TIPRL: variants seen among roughly 807,000 people sequenced by gnomAD.
The protein encoded by TIPRL is TOR signaling pathway regulator.
A neutral mutation model predicts 32.3 loss-of-function variants in TIPRL; 10 were observed. The observed-to-expected ratio is 0.31, with a 90% CI of 0.19 to 0.52. TIPRL has a LOEUF of 0.52. Among genes scored for constraint, TIPRL ranks in the 20% least tolerant of loss-of-function variants. TIPRL has a pLI of 0.96. For missense variants in TIPRL, 250 were observed against 328.1 expected (o/e 0.76, Z 1.84); for synonymous variants, 100 against 114.0 (o/e 0.88, Z 0.78).
At chr1:168,195,731 C>T (rs1401751393) in intron 4 of TIPRL, among the ~76,000 whole-genome samples, 3 of 152,010 alleles carry the variant, frequency 2.0e-5, no homozygotes, top group Non-Finnish European at 4.4e-5. Context: ...TGCCACCGTG[C>T]TTTGCTAATT....
In TIPRL at chr1:168,200,726, A is replaced by C. The variant is rs1211908928; in HGVS notation, c.*680A>C. 1 of 152,092 alleles carries C rather than the reference A, an allele frequency of 6.6e-6. No homozygotes were observed. Among genetic ancestry groups the C allele is most frequent in the East Asian group, 1.9e-4 (1 of 5,202 alleles). The allele number at this position is 152,092 out of a possible 1,614,324, so 9.4% of individuals were successfully genotyped here. On this transcript the variant is annotated 3_prime_UTR_variant, in exon 7 of 7. Transcript: ENST00000367833. ...CACTGTGTGTGTGTAGGATGTTAGA[A>C]TTATCTGTCCTCCATCTTTAGGTGC...
intron 4 of TIPRL, chr1:168,192,374 A>C: frequency 9.8e-7 from 1 of 1,018,874 alleles, no homozygotes; most frequent in East Asian, 5.8e-5. Flanking sequence ...AATAAAATAA[A>C]ATAAAAGAAG....
rs557776596 is a variant in TIPRL at position 168,201,490 on chromosome 1, T to C, written c.*1444T>C. ...TTAGCTAAATTTGATATTTGTCTTCTGCCTTCTGTATCACCTCCAAGCTAT... is the reference window on the plus strand; with the variant it reads ...TTAGCTAAATTTGATATTTGTCTTCCGCCTTCTGTATCACCTCCAAGCTAT... On this transcript the variant is annotated 3_prime_UTR_variant, in exon 7 of 7. Coordinates refer to ENST00000367833, the MANE Select transcript of TIPRL (RefSeq NM_152902.5). The C allele has an allele frequency of 1.3e-5, 2 of 152,250 alleles. No individual in the cohort carries two copies. The highest frequency in any genetic ancestry group is 2.1e-4 in the South Asian group (1 of 4,830). The allele number at this position is 152,250 out of a possible 1,614,324, so 9.4% of individuals were successfully genotyped here.
rs769748192 is a variant in TIPRL, at chr1:168,183,953, C to T, written c.156C>T (p.Asp52=). The T allele has an allele frequency of 1.7e-5, 27 of 1,613,834 alleles. No individual in the cohort carries two copies. Among genetic ancestry groups the T allele is most frequent in the East Asian group, 2.2e-5 (1 of 44,880 alleles). ...CTCTCCCTGAAATGATGTTTGGAGA[C>T]AACGTTTTAAGAATCCAGCATGGGT... is the stretch of plus-strand genomic sequence containing the variant. ...MPSLPEMMFG[D]NVLRIQHGSG... Residue 52 remains aspartate, a synonymous_variant, in exon 2 of 7, where the codon GAC becomes GAT. Transcript: ENST00000367833.
intron 5 of TIPRL, among the ~76,000 whole-genome samples, chr1:168,197,364 G>C (rs1184390417): frequency 1.3e-5 from 2 of 151,688 alleles, no homozygotes; most frequent in Non-Finnish European, 2.9e-5. Flanking sequence ...TAGTAGGATA[G>C]GATTGGATTG....
intron 3 of TIPRL, among the ~76,000 whole-genome samples, chr1:168,187,612 T>C (rs1455993636): frequency 3.9e-5 from 6 of 152,190 alleles, no homozygotes; most frequent in Non-Finnish European, 7.4e-5. Flanking sequence ...AAAAGTAATT[T>C]AGTCTTACTT....
chr1:168,183,467 T>A (rs1699992095), intron 1 of TIPRL, among the ~76,000 whole-genome samples: 1 of 151,468 alleles, frequency 6.6e-6, no homozygotes, highest in African/African-American at 2.4e-5. Context: ...AGTGCTGAGT[T>A]CCCTCATCAG....
Position 168,178,995 on chromosome 1 carries a change from C to T in TIPRL, c.-83C>T, listed in dbSNP as rs1054759808. On this transcript the variant is annotated 5_prime_UTR_variant, in exon 1 of 7. Coordinates refer to ENST00000367833, the MANE Select transcript of TIPRL (RefSeq NM_152902.5). ...GGCTCGGAAGCCTAGGAGGCTGGGCCGGAGGGAGGCGGAGGAACCGGTGTT... is the reference window on the plus strand; with the variant it reads ...GGCTCGGAAGCCTAGGAGGCTGGGCTGGAGGGAGGCGGAGGAACCGGTGTT... 12 of 1,265,954 alleles carry T rather than the reference C, an allele frequency of 9.5e-6. No homozygotes were observed. The highest frequency in any genetic ancestry group is 3.0e-5 in the African/African-American group (2 of 67,612). The allele number at this position is 1,265,954 out of a possible 1,614,324, so 78.4% of individuals were successfully genotyped here.
chr1:168,198,325 G>T (rs1420889654), intron 5 of TIPRL, among the ~76,000 whole-genome samples: 2 of 151,910 alleles, frequency 1.3e-5, no homozygotes, highest in African/African-American at 4.8e-5. Context: ...ATATAATTTT[G>T]TGGCTTTTCT....
Position 168,192,316 on chromosome 1 carries a change from A to C in TIPRL, c.516+816A>C, listed in dbSNP as rs181726518. 2.3e-3 allele frequency: 2,295 copies of C among 992,724 alleles called. 86 individuals carry two copies. The East Asian group carries it at 0.079, about 34-fold the overall frequency. 61.5% of individuals were successfully genotyped at this position (992,724 alleles called of 1,614,324 possible). A position where few individuals can be genotyped will look rare whatever the true frequency, so the allele number is the denominator to read the frequency against. On this transcript the variant is annotated intron_variant, in intron 4 of 6. Coordinates refer to ENST00000367833, the MANE Select transcript of TIPRL (RefSeq NM_152902.5). ...AGCTGAGATCGCACCACTGCACTCC[A>C]GCCCTCCAGCCTGGGCGACAGAGCA...
intron 5 of TIPRL, among the ~76,000 whole-genome samples, chr1:168,197,657 T>G (rs943204357): frequency 6.6e-6 from 1 of 152,020 alleles, no homozygotes; most frequent in African/African-American, 2.4e-5. Context: ...GTAGCTGGGA[T>G]TACAGGCGCC....
At chr1:168,191,100 A>T (rs537077089) in intron 3 of TIPRL, among the ~76,000 whole-genome samples, 4 of 152,298 alleles carry the variant, frequency 2.6e-5, no homozygotes, top group Admixed American at 2.0e-4. Flanking sequence ...ACAGAAGTTG[A>T]TTTTAATATG....
At chr1:168,191,858 CAAAAAAAAAAAA>C (rs60988834) in intron 4 of TIPRL, among the ~76,000 whole-genome samples, 5 of 38,908 alleles carry the variant, frequency 1.3e-4, no homozygotes, top group African/African-American at 3.2e-4. Context: ...GGCGACAGAG[CAAAAAAAAAAAA>C]AAAAAAAAAA....
At chr1:168,196,445 C>T in intron 4 of TIPRL, 102 bp from the exon 5 acceptor site, 1 of 709,342 alleles carries the variant, frequency 1.4e-6, no homozygotes, top group South Asian at 3.2e-5. Flanking sequence ...AGCCTTATTC[C>T]AGGGTTTTTT....
intron 3 of TIPRL, among the ~76,000 whole-genome samples, chr1:168,187,702 T>G (rs2102308404): frequency 6.6e-6 from 1 of 152,238 alleles, no homozygotes; most frequent in Non-Finnish European, 1.5e-5. Context: ...GTAGGCTGGG[T>G]GTAGTGGCTC....
At chr1:168,193,475 C>A (rs1008061935) in intron 4 of TIPRL, among the ~76,000 whole-genome samples, 2 of 152,080 alleles carry the variant, frequency 1.3e-5, no homozygotes, top group South Asian at 4.1e-4. Context: ...TAGATTTATT[C>A]TCTCTTCAGT....
intron 3 of TIPRL, 46 bp downstream of exon 3, chr1:168,184,924 A>G: frequency 8.0e-7 from 1 of 1,247,130 alleles, no homozygotes; most frequent in Non-Finnish European, 1.1e-6. Flanking sequence ...TGTCTTGGAC[A>G]GTCTGAGCAT....
intron 1 of TIPRL, among the ~76,000 whole-genome samples, chr1:168,181,972 G>A (rs969931602): frequency 1.3e-5 from 2 of 151,792 alleles, no homozygotes; most frequent in Admixed American, 6.6e-5. Context: ...GCTGAGGCAC[G>A]AGAATCACTT....
At chr1:168,182,538 ATTGCTTGAATCTGGGAGGCGGAAG>A (rs1699980854) in intron 1 of TIPRL, among the ~76,000 whole-genome samples, 1 of 151,802 alleles carries the variant, frequency 6.6e-6, no homozygotes, top group African/African-American at 2.4e-5. Flanking sequence ...AAACAGGAGG[ATTGCTTGAATCTGGGAGGCGGAAG>A]TTGCAGTGAG....
Sources: gnomAD v4.1 joint callset for allele counts (sites outside exome capture counted in the v4.1 genomes callset) on GRCh38, gnomAD v4.1.1 for gene constraint, MANE v1.5 for transcripts, NCBI Gene and HGNC (gene_info 2026-07-23, HGNC 2026-07-21) for gene names.